The following NEDD9 variants were observed in gnomAD, a reference collection of about 807,000 sequenced individuals.
NEDD9 encodes the protein neural precursor cell expressed, developmentally down-regulated 9, also known as enhancer of filamentation 1.
A neutral mutation model predicts 76.6 loss-of-function variants in NEDD9; 26 were observed. The ratio of observed to expected loss-of-function variants is 0.34; its 90% CI spans 0.25 to 0.47. NEDD9 has a LOEUF of 0.47. NEDD9 is among the 20% of genes least tolerant of loss of function. The pLI, the probability that NEDD9 is intolerant of heterozygous loss-of-function variation, is 1.00. For missense variants in NEDD9, 937 were observed against 1,058.5 expected, an observed-to-expected ratio of 0.89 and a Z score of 1.59; for synonymous variants, 392 against 414.2, an observed-to-expected ratio of 0.95 and a Z score of 0.65.
chr6:11,301,173 T>C (rs1266603010), intron 3 of NEDD9, among the ~76,000 whole-genome samples: 4 of 152,120 alleles, frequency 2.6e-5, no homozygotes, highest in African/African-American at 9.7e-5. Context: ...TGGAGGAAGA[T>C]CTACCAAACA....
chr6:11,284,837 T>C (rs903163100), intron 3 of NEDD9, among the ~76,000 whole-genome samples: 14 of 150,832 alleles, frequency 9.3e-5, no homozygotes, highest in African/African-American at 2.7e-4. Context: ...TATATATTAA[T>C]ATAACTAATA....
In NEDD9 at chr6:11,229,972, A is replaced by G. The variant is rs115894211; in HGVS notation, c.12+2532T>C. On this transcript the variant is annotated intron_variant, in intron 1 of 6. Coordinates refer to ENST00000379446, the MANE Select transcript of NEDD9 (RefSeq NM_006403.4). ...CCAGATAATCAGGTTAACAACGACA[A>G]TCTTATAGGGCCTGATTCATAAGTC... 4.1e-3 allele frequency among the ~76,000 whole-genome samples: 623 copies of G among 152,332 alleles called. 1 individual carries two copies. The highest frequency in any genetic ancestry group is 0.014 in the African/African-American group (575 of 41,576).
intron 3 of NEDD9, among the ~76,000 whole-genome samples, chr6:11,272,145 A>C (rs972015160): frequency 6.6e-6 from 1 of 151,978 alleles, no homozygotes; most frequent in African/African-American, 2.4e-5. Flanking sequence ...GAGCCTGGGG[A>C]CTTGGTTTAC....
At chr6:11,302,742 T>C (rs2113407636) in intron 3 of NEDD9, among the ~76,000 whole-genome samples, 1 of 152,226 alleles carries the variant, frequency 6.6e-6, no homozygotes, top group East Asian at 1.9e-4. Flanking sequence ...ATCCATCACA[T>C]AAACAGAACC....
At chr6:11,264,164 T>C (rs1760161718) in intron 3 of NEDD9, among the ~76,000 whole-genome samples, 1 of 152,210 alleles carries the variant, frequency 6.6e-6, no homozygotes, top group South Asian at 2.1e-4. Flanking sequence ...GAAGGGGCTT[T>C]GCAACCGGCT....
intron 3 of NEDD9, chr6:11,271,655 G>A (rs972502612): frequency 1.2e-4 from 18 of 152,174 alleles, no homozygotes; most frequent in African/African-American, 4.3e-4. Flanking sequence ...CCTGCATTAA[G>A]TTTACCCCAT....
At chr6:11,350,571 G>A (rs1762446831) in intron 1 of NEDD9, among the ~76,000 whole-genome samples, 1 of 152,214 alleles carries the variant, frequency 6.6e-6, no homozygotes, top group Non-Finnish European at 1.5e-5. Context: ...GACTAACTGT[G>A]GGAGCAGAAA....
Position 11,191,102 on chromosome 6 carries a change from C to A in NEDD9, c.767G>T (p.Arg256Ile). The change falls in exon 5 of 7, where the codon AGA becomes ATA. Residue 256 changes from arginine (R) to isoleucine (I), a missense_variant. Physicochemically the swap from Arg to Ile is moderately conservative, Grantham distance 97. Coordinates refer to ENST00000379446, the MANE Select transcript of NEDD9 (RefSeq NM_006403.4). Reference protein sequence around the residue: ...PMRQAGRPDLRPEGVYDIPPT... With the variant: ...PMRQAGRPDLIPEGVYDIPPT... ...AGGAATGTCATAAACCCCCTCCGGTCTGAGGTCCGGCCTTCCAGCTTGTCT... is the reference window on the plus strand; with the variant it reads ...AGGAATGTCATAAACCCCCTCCGGTATGAGGTCCGGCCTTCCAGCTTGTCT... 2 of 1,614,020 alleles carry A rather than the reference C, an allele frequency of 1.2e-6. No individual in the cohort carries two copies. Among genetic ancestry groups the A allele is most frequent in the African/African-American group, 2.7e-5 (2 of 74,972 alleles).
At chr6:11,373,847 G>A (rs1401915535) in intron 1 of NEDD9, among the ~76,000 whole-genome samples, 1 of 152,148 alleles carries the variant, frequency 6.6e-6, no homozygotes, top group African/African-American at 2.4e-5. Flanking sequence ...CCATAATGTA[G>A]GTGGGCCTCC....
chr6:11,347,195 ACTT>A (rs1338217656), intron 1 of NEDD9, among the ~76,000 whole-genome samples: 2 of 152,034 alleles, frequency 1.3e-5, no homozygotes, highest in Non-Finnish European at 2.9e-5. Context: ...ATGTCTGGCC[ACTT>A]CTTTTTATTT....
intron 1 of NEDD9, among the ~76,000 whole-genome samples, chr6:11,377,478 T>C (rs1355275455): frequency 4.6e-5 from 7 of 152,252 alleles, no homozygotes; most frequent in Non-Finnish European, 8.8e-5. Context: ...ACCTTTAAGA[T>C]TTAATGACTA....
intron 2 of NEDD9, among the ~76,000 whole-genome samples, chr6:11,311,498 T>C (rs1761365296): frequency 6.6e-6 from 1 of 152,224 alleles, no homozygotes; most frequent in African/African-American, 2.4e-5. Context: ...TGTGACAGCA[T>C]CCCTGGGAAA....
chr6:11,291,316 C>A (rs2876225), intron 3 of NEDD9, among the ~76,000 whole-genome samples: 1 of 141,224 alleles, frequency 7.1e-6, no homozygotes, highest in African/African-American at 2.8e-5. Context: ...GCTCTGTCGC[C>A]CAGGCTGGAG....
In NEDD9 at chr6:11,260,922, T is replaced by G. The variant is rs62395320; in HGVS notation, c.12+45070A>C. Among the ~76,000 whole-genome samples, 51 of 151,172 alleles carry G rather than the reference T, an allele frequency of 3.4e-4. 1 individual carries two copies. The East Asian group carries it at 6.8e-3, about 20-fold the overall frequency. ...TGTGTGTGTGTGTGTGTGTGTGTGT[T>G]GTAAAAGAATTCTTCCTGGGATTCA... On this transcript the variant is annotated intron_variant, in intron 3 of 3. Transcript: ENST00000397378.
intron 2 of NEDD9, among the ~76,000 whole-genome samples, chr6:11,318,359 A>G (rs1048933796): frequency 6.6e-6 from 1 of 152,168 alleles, no homozygotes; most frequent in Admixed American, 6.5e-5. Flanking sequence ...AAAAGAAGGA[A>G]GGAAGGAGGG....
chr6:11,342,824 C>T (rs1004325021), intron 1 of NEDD9, among the ~76,000 whole-genome samples: 3 of 152,276 alleles, frequency 2.0e-5, no homozygotes, highest in Admixed American at 2.0e-4. Flanking sequence ...AATGCAGTAA[C>T]ATGGCTTCAA....
At chr6:11,332,156 A>G (rs1217709967) in intron 2 of NEDD9, among the ~76,000 whole-genome samples, 1 of 152,238 alleles carries the variant, frequency 6.6e-6, no homozygotes, top group Non-Finnish European at 1.5e-5. Context: ...CCCTAAGAGG[A>G]AAAGTAAGGC....
chr6:11,242,905 G>A (rs1416530551), intron 3 of NEDD9, among the ~76,000 whole-genome samples: 1 of 152,174 alleles, frequency 6.6e-6, no homozygotes, highest in East Asian at 1.9e-4. Context: ...TGTCCCATGA[G>A]CAAAGGCATG....
chr6:11,264,293 C>G (rs1335260792), intron 3 of NEDD9, among the ~76,000 whole-genome samples: 2 of 152,190 alleles, frequency 1.3e-5, no homozygotes, highest in Non-Finnish European at 2.9e-5. Flanking sequence ...AGGCTGCAGT[C>G]TGAGTGAGAT....
Sources: allele counts gnomAD v4.1 joint callset (sites outside exome capture counted in the v4.1 genomes callset), GRCh38; gene constraint gnomAD v4.1.1; transcripts MANE v1.5; gene names NCBI Gene and HGNC (gene_info 2026-07-23, HGNC 2026-07-21).